The following BAIAP2L1 variants were observed in gnomAD, a reference collection of about 807,000 sequenced individuals.
BAIAP2L1 encodes the protein BAR/IMD domain containing adaptor protein 2 like 1.
A neutral mutation model predicts 66.3 loss-of-function variants in BAIAP2L1; 35 were observed. The observed-to-expected ratio is 0.53, with a 90% CI of 0.40 to 0.70. BAIAP2L1 has a LOEUF of 0.70. Among genes scored for constraint, BAIAP2L1 ranks in the 30% least tolerant of loss-of-function variants. The pLI, the probability that BAIAP2L1 is intolerant of heterozygous loss-of-function variation, is 0.00. For missense variants in BAIAP2L1, 622 were observed against 656.9 expected, an observed-to-expected ratio of 0.95 and a Z score of 0.58; for synonymous variants, 269 against 248.7, an observed-to-expected ratio of 1.08 and a Z score of -0.77.
intron 1 of BAIAP2L1, among the ~76,000 whole-genome samples, chr7:98,372,024 G>A (rs1008048280): frequency 1.3e-5 from 2 of 151,974 alleles, no homozygotes; most frequent in African/African-American, 4.8e-5. Flanking sequence ...TCGATCTCCT[G>A]ATCTCGTGAT....
At chr7:98,362,558 T>C (rs892752516) in intron 1 of BAIAP2L1, 126 bp from the exon 2 acceptor site, 3 of 713,342 alleles carry the variant, frequency 4.2e-6, no homozygotes, top group African/African-American at 3.7e-5. Context: ...AAGTAATGAA[T>C]GCTGATGTAA....
chr7:98,294,674 A>G (rs1800111576), intron 12 of BAIAP2L1, among the ~76,000 whole-genome samples: 1 of 152,380 alleles, frequency 6.6e-6, no homozygotes, highest in South Asian at 2.1e-4. Context: ...TTTTGAACGC[A>G]GAATCTAGTG....
At chr7:98,357,813 C>T (rs980212071) in intron 2 of BAIAP2L1, among the ~76,000 whole-genome samples, 5 of 152,082 alleles carry the variant, frequency 3.3e-5, no homozygotes, top group Non-Finnish European at 1.5e-5. Context: ...CTAAGGGCAG[C>T]GGAGTGGAGA....
chr7:98,363,406 G>A (rs1802318748), intron 1 of BAIAP2L1, among the ~76,000 whole-genome samples: 1 of 152,152 alleles, frequency 6.6e-6, no homozygotes. Flanking sequence ...GCCAGACCCT[G>A]TGCACACAGC....
At chr7:98,360,911 C>T (rs1270903531) in intron 2 of BAIAP2L1, among the ~76,000 whole-genome samples, 1 of 152,166 alleles carries the variant, frequency 6.6e-6, no homozygotes, top group Non-Finnish European at 1.5e-5. Flanking sequence ...GAGCAGTATA[C>T]TTTTCCAGCG....
intron 1 of BAIAP2L1, among the ~76,000 whole-genome samples, chr7:98,365,730 C>A (rs1802377292): frequency 6.6e-6 from 1 of 152,190 alleles, no homozygotes; most frequent in Non-Finnish European, 1.5e-5. Flanking sequence ...TCTGCCCGCC[C>A]TGGCCTCCCA....
Position 98,304,321 on chromosome 7 carries a change from C to G in BAIAP2L1, c.1297G>C (p.Val433Leu). 2 of 1,613,498 alleles carry G rather than the reference C, an allele frequency of 1.2e-6. No homozygotes were observed. The highest frequency in any genetic ancestry group is 1.7e-6 in the Non-Finnish European group (2 of 1,179,694). The change falls in exon 12 of 14, where the codon GTC becomes CTC. Residue 433 changes from valine to leucine, a missense_variant. Coordinates refer to ENST00000005260, the MANE Select transcript of BAIAP2L1 (RefSeq NM_018842.5). ...TVNLSENSSV[V>L]IPPPDYLECL... ...TCCAAGTAGTCGGGTGGGGGGATGA[C>G]AACACTGCTATTCTCAGACAAGTTC... is the stretch of plus-strand genomic sequence containing the variant.
chr7:98,395,983 A>T (rs1165042304), intron 1 of BAIAP2L1, among the ~76,000 whole-genome samples: 2 of 152,220 alleles, frequency 1.3e-5, no homozygotes, highest in African/African-American at 4.8e-5. Flanking sequence ...CTTGTCTTGC[A>T]CAGACCTCCA....
At chr7:98,378,753 A>T (rs911041058) in intron 1 of BAIAP2L1, among the ~76,000 whole-genome samples, 1 of 151,804 alleles carries the variant, frequency 6.6e-6, no homozygotes, top group Non-Finnish European at 1.5e-5. Context: ...CTCGTGCCTC[A>T]GCCTCTCCAG....
intron 1 of BAIAP2L1, among the ~76,000 whole-genome samples, chr7:98,368,096 A>G (rs1022317264): frequency 2.0e-5 from 3 of 152,046 alleles, no homozygotes; most frequent in Non-Finnish European, 4.4e-5. Context: ...AGCTCAATCT[A>G]TGATTCTGTC....
intron 1 of BAIAP2L1, among the ~76,000 whole-genome samples, chr7:98,370,372 C>CAAAA (rs397890051): frequency 5.8e-5 from 6 of 103,334 alleles, no homozygotes; most frequent in Non-Finnish European, 5.4e-5. Flanking sequence ...GGCTCCGTCT[C>CAAAA]AAAAAAAAAA....
chr7:98,383,548 A>G (rs1210951845), intron 1 of BAIAP2L1, among the ~76,000 whole-genome samples: 2 of 151,926 alleles, frequency 1.3e-5, no homozygotes, highest in Non-Finnish European at 2.9e-5. Flanking sequence ...CGGCCTCCCA[A>G]AGTGCTGGGA....
rs779577622 is a variant in BAIAP2L1 at position 98,400,869 on chromosome 7, C to CG, written c.-18dup. On this transcript the variant is annotated 5_prime_UTR_variant, in exon 1 of 14. Transcript: ENST00000005260. ...CCGGGACATGGCTGCGGCCGCCGGG[C>CG]GAGCAAGCGCGGGAGGACGCGGCTG... 3 of 1,535,706 alleles carry CG rather than the reference C, an allele frequency of 2.0e-6. No homozygotes were observed. The highest frequency in any genetic ancestry group is 2.8e-5 in the African/African-American group (2 of 70,952).
At chr7:98,351,522 T>C (rs746129448) in intron 3 of BAIAP2L1, among the ~76,000 whole-genome samples, 1 of 152,046 alleles carries the variant, frequency 6.6e-6, no homozygotes, top group African/African-American at 2.4e-5. Context: ...GGGCAAAGGT[T>C]GTCAGCACAC....
intron 3 of BAIAP2L1, among the ~76,000 whole-genome samples, chr7:98,354,488 C>T (rs1357424693): frequency 6.6e-6 from 1 of 152,310 alleles, no homozygotes; most frequent in East Asian, 1.9e-4. Flanking sequence ...CTTTCCCTAA[C>T]CCCCGACAGT....
At position 98,292,771 on chromosome 7, in the gene BAIAP2L1, G is replaced by C; in HGVS notation, c.*750C>G. The stretch of plus-strand genomic sequence containing the variant: ...CAGCTTTGGCCAACTAGCTGAGTGA[G>C]AACACAAGGAGCCGTGACTCCGACG... On this transcript the variant is annotated 3_prime_UTR_variant, in exon 14 of 14. Coordinates refer to ENST00000005260, the MANE Select transcript of BAIAP2L1 (RefSeq NM_018842.5). The C allele has an allele frequency of 1.9e-6, 3 of 1,549,060 alleles. No individual in the cohort carries two copies. The South Asian group carries it at 3.6e-5, about 18-fold the overall frequency.
intron 2 of BAIAP2L1, 42 bp from the exon 3 acceptor site, chr7:98,355,170 G>T: frequency 7.2e-7 from 1 of 1,386,004 alleles, no homozygotes; most frequent in South Asian, 1.2e-5. Flanking sequence ...ACTTAGACAA[G>T]GAAAGGAGGA....
chr7:98,398,827 C>T (rs1803281500), intron 1 of BAIAP2L1, among the ~76,000 whole-genome samples: 1 of 152,206 alleles, frequency 6.6e-6, no homozygotes, highest in African/African-American at 2.4e-5. Context: ...GAACACCTGA[C>T]TGCTGGTCTC....
rs376103025 is a variant in BAIAP2L1, at chr7:98,386,458, T to G, written c.51+14344A>C. ...CTGGTGACGAGCGTCTTTCCAATATTTCTTATACTGAACATAGCAGGTGCT... is the reference window on the plus strand; with the variant it reads ...CTGGTGACGAGCGTCTTTCCAATATGTCTTATACTGAACATAGCAGGTGCT... On this transcript the variant is annotated intron_variant, in intron 1 of 13. Transcript: ENST00000005260. The G allele has an allele frequency of 2.6e-5, 41 of 1,597,264 alleles. No individual in the cohort carries two copies. The African/African-American group carries it at 3.5e-4, about 14-fold the overall frequency.
Sources: allele counts gnomAD v4.1 joint callset (sites outside exome capture counted in the v4.1 genomes callset), GRCh38; gene constraint gnomAD v4.1.1; transcripts MANE v1.5; gene names NCBI Gene and HGNC (gene_info 2026-07-23, HGNC 2026-07-21).